DBF4B: variants seen among roughly 807,000 people sequenced by gnomAD.
DBF4B encodes the protein DBF4B-CDC7 kinase regulatory subunit.
Under a neutral mutation model 53.4 loss-of-function variants are expected in DBF4B, and 49 were observed. That is an observed-to-expected ratio of 0.92 (90% confidence interval 0.73 to 1.16). The LOEUF (loss-of-function observed/expected upper bound fraction) is 1.16. Ranked by LOEUF, DBF4B falls within the 50% of genes most tolerant of loss-of-function variation. DBF4B has a pLI of 0.00. For synonymous variants in DBF4B, 257 were observed against 288.7 expected, an observed-to-expected ratio of 0.89 and a Z score of 1.11; for missense variants, 692 against 775.0, an observed-to-expected ratio of 0.89 and a Z score of 1.27.
chr17:44,716,312 T>G (rs983919113), intron 2 of DBF4B, among the ~76,000 whole-genome samples: 1 of 152,070 alleles, frequency 6.6e-6, no homozygotes, highest in South Asian at 2.1e-4. Context: ...GCTAGTCAGT[T>G]CGCTAGAGAA....
intron 3 of DBF4B, among the ~76,000 whole-genome samples, chr17:44,727,864 A>ATTTTCTTT (rs1568175162): frequency 1.9e-5 from 2 of 106,740 alleles, no homozygotes; most frequent in African/African-American, 3.7e-5. Flanking sequence ...TGCCCGGGTA[A>ATTTTCTTT]TTTTTTTTTT....
chr17:44,748,923 C>T (rs1452436443), intron 13 of DBF4B: 2 of 1,290,030 alleles, frequency 1.6e-6, no homozygotes, highest in Non-Finnish European at 2.0e-6. Flanking sequence ...CAGACCCCTT[C>T]CCCTGGCAGC....
At chr17:44,721,861 A>G (rs1973877995) in intron 2 of DBF4B, among the ~76,000 whole-genome samples, 2 of 151,554 alleles carry the variant, frequency 1.3e-5, no homozygotes, top group South Asian at 4.2e-4. Flanking sequence ...CTGGCCAGGC[A>G]TGGTGGCTCG....
At position 44,749,630 on chromosome 17, in the gene DBF4B, A is replaced by C; in HGVS notation, c.1190-965A>C. ...CCTCCTGCCATGTTCCTGACCAGGC[A>C]GAGTCTACAGTGGGCTTGCCCAGCT... On this transcript the variant is annotated intron_variant, in intron 13 of 13. Transcript: ENST00000315005. This position sits in a 1 kb window ranked among gnomAD's most constrained non-coding sequence, Gnocchi z 4.4. 1 of 1,185,266 alleles carries C rather than the reference A, an allele frequency of 8.4e-7. No individual in the cohort carries two copies. The highest frequency in any genetic ancestry group is 1.1e-6 in the Non-Finnish European group (1 of 939,128). The allele number at this position is 1,185,266 out of a possible 1,614,324, so 73.4% of individuals were successfully genotyped here.
chr17:44,710,198 C>T (rs1972740594), intron 2 of DBF4B, among the ~76,000 whole-genome samples: 1 of 152,084 alleles, frequency 6.6e-6, no homozygotes, highest in Non-Finnish European at 1.5e-5. Flanking sequence ...AAAATACCGT[C>T]TACTTTTACT....
At chr17:44,728,933 C>G (rs1025058665) in intron 3 of DBF4B, among the ~76,000 whole-genome samples, 1 of 151,952 alleles carries the variant, frequency 6.6e-6, no homozygotes, top group African/African-American at 2.4e-5. Flanking sequence ...CCCATCTCTT[C>G]TAAAAATACA....
chr17:44,722,293 T>A (rs1413498748), intron 2 of DBF4B, among the ~76,000 whole-genome samples: 1 of 152,174 alleles, frequency 6.6e-6, no homozygotes, highest in Non-Finnish European at 1.5e-5. Context: ...GAGTTATAAT[T>A]ACCTAAGTTA....
At position 44,720,224 on chromosome 17, in the gene DBF4B, G is replaced by T. The variant is rs930265289; in HGVS notation, c.83-2656G>T. Reference sequence around the variant, plus strand: ...TGACTGAAGGGTTTCTTTTGCCATGGCTCAACAGCTTTAGAGGCACATCTT... The same window carrying T: ...TGACTGAAGGGTTTCTTTTGCCATGTCTCAACAGCTTTAGAGGCACATCTT... On this transcript the variant is annotated intron_variant, in intron 2 of 13. Coordinates refer to ENST00000315005, the MANE Select transcript of DBF4B (RefSeq NM_145663.3). 3 of 353,426 alleles carry T rather than the reference G, an allele frequency of 8.5e-6. No individual in the cohort carries two copies. In the Admixed American group the frequency reaches 1.0e-4, roughly 12 times the overall value. 21.9% of individuals were successfully genotyped at this position (353,426 alleles called of 1,614,324 possible). A position where few individuals can be genotyped will look rare whatever the true frequency, so the allele number is the denominator to read the frequency against.
chr17:44,752,138 C>T lies in DBF4B; in HGVS notation c.*885C>T. The T allele has an allele frequency of 1.1e-5, 8 of 749,340 alleles. No individual in the cohort carries two copies. In the Middle Eastern group the frequency reaches 1.9e-3, roughly 177 times the overall value. The allele number at this position is 749,340 out of a possible 1,614,324, so 46.4% of individuals were successfully genotyped here. A position where few individuals can be genotyped will look rare whatever the true frequency, so the allele number is the denominator to read the frequency against. On this transcript the variant is annotated 3_prime_UTR_variant, in exon 14 of 14. Coordinates refer to ENST00000315005, the MANE Select transcript of DBF4B (RefSeq NM_145663.3). ...TGGGTGGAATGCAGGAGCTAGCTGCCTCCAACTCACTGTGACCTCAGAAAA... is the reference window on the plus strand; with the variant it reads ...TGGGTGGAATGCAGGAGCTAGCTGCTTCCAACTCACTGTGACCTCAGAAAA...
chr17:44,746,523 GAGA>G lies in DBF4B; in HGVS notation c.831-557_831-555del, dbSNP rs550635367. Among the ~76,000 whole-genome samples the G allele has an allele frequency of 2.5e-4, 38 of 152,206 alleles. 3 individuals are homozygous for G. The South Asian group carries it at 7.7e-3, about 31-fold the overall frequency. ...CATCCCATCTTCACCTGTCGTTTAA[GAGA>G]AGGACGGAGATGGCTGGCGCGGTGG... On this transcript the variant is annotated intron_variant, in intron 10 of 13. Transcript: ENST00000315005.
chr17:44,735,107 T>C (rs1975242919), intron 7 of DBF4B, among the ~76,000 whole-genome samples: 1 of 151,280 alleles, frequency 6.6e-6, no homozygotes, highest in Admixed American at 6.6e-5. Context: ...CAAAAAAACA[T>C]AAAAAAATAG....
At chr17:44,732,131 G>T in intron 5 of DBF4B, 47 bp from the exon 6 acceptor site, 1 of 1,598,784 alleles carries the variant, frequency 6.3e-7, no homozygotes, top group Non-Finnish European at 8.6e-7. Flanking sequence ...TCACTTTCAG[G>T]CCTTGGGGAG....
intron 7 of DBF4B, among the ~76,000 whole-genome samples, chr17:44,736,500 A>G (rs1975448381): frequency 6.6e-6 from 1 of 152,076 alleles, no homozygotes; most frequent in Admixed American, 6.6e-5. Flanking sequence ...GTCGGTGGGT[A>G]CTCTTCACAT....
Position 44,747,433 on chromosome 17 carries a change from C to T in DBF4B, c.982C>T (p.His328Tyr). The change falls in exon 12 of 14, where the codon CAT (histidine) becomes TAT (tyrosine). Residue 328 changes from histidine (H) to tyrosine (Y), a missense_variant. His to Tyr is a moderately conservative substitution (Grantham distance 83). Coordinates refer to ENST00000315005, the MANE Select transcript of DBF4B (RefSeq NM_145663.3). Reference sequence around the variant, plus strand: ...GCACCGGAGCTTTGCCCTGGAAGCCCATCTATATGCAGAAGTGGACAGGAT... The same window carrying T: ...GCACCGGAGCTTTGCCCTGGAAGCCTATCTATATGCAGAAGTGGACAGGAT... ...AQHRSFALEAHLYAEVDRIIA... is the reference protein window; with the variant it reads ...AQHRSFALEAYLYAEVDRIIA... 1 of 1,614,142 alleles carries T rather than the reference C, an allele frequency of 6.2e-7. No individual in the cohort carries two copies. Among genetic ancestry groups the T allele is most frequent in the Non-Finnish European group, 8.5e-7 (1 of 1,180,036 alleles).
chr17:44,737,073 C>G (rs938853952), intron 8 of DBF4B, among the ~76,000 whole-genome samples: 2 of 152,144 alleles, frequency 1.3e-5, no homozygotes, highest in Admixed American at 1.3e-4. Flanking sequence ...GCTGCTGGGC[C>G]GGGGCTTCTC....
At chr17:44,709,722 AACAG>A (rs1156981066) in intron 2 of DBF4B, among the ~76,000 whole-genome samples, 17 of 152,182 alleles carry the variant, frequency 1.1e-4, no homozygotes, top group South Asian at 4.1e-4. Context: ...GAACAAGATT[AACAG>A]ACAGATGTGG....
chr17:44,724,363 T>C (rs1974110387), intron 3 of DBF4B, among the ~76,000 whole-genome samples: 1 of 151,124 alleles, frequency 6.6e-6, no homozygotes, highest in Non-Finnish European at 1.5e-5. Flanking sequence ...TGACCCTGTC[T>C]CAAAAAAAAA....
At chr17:44,743,704 A>G (rs1283883353) in intron 10 of DBF4B, among the ~76,000 whole-genome samples, 1 of 142,284 alleles carries the variant, frequency 7.0e-6, no homozygotes, top group Non-Finnish European at 1.5e-5. Context: ...TCCGCCTCCC[A>G]GGTTCACGCG....
chr17:44,748,930 CA>C (rs532493407), intron 13 of DBF4B: 14,342 of 1,290,048 alleles, frequency 0.011, 105 homozygotes, highest in Non-Finnish European at 0.013. Context: ...CTTCCCCTGG[CA>C]GCCCACAGAC....
Sources: allele counts gnomAD v4.1 joint callset (sites outside exome capture counted in the v4.1 genomes callset), GRCh38; gene constraint gnomAD v4.1.1; non-coding constraint Gnocchi (gnomAD v3.1); transcripts MANE v1.5; gene names NCBI Gene and HGNC (gene_info 2026-07-23, HGNC 2026-07-21).